DHRS4: variants seen among roughly 807,000 people sequenced by gnomAD.
The protein encoded by DHRS4 is dehydrogenase/reductase SDR family member 4.
In DHRS4, 20 loss-of-function variants were observed where a neutral mutation model predicts 28.4. The observed-to-expected ratio is 0.71, with a 90% CI of 0.50 to 1.02. DHRS4 has a LOEUF of 1.02. Ranked by LOEUF, DHRS4 falls within the 50% of genes least tolerant of loss-of-function variation. The probability of loss-of-function intolerance (pLI) is 0.00; values close to 1 mark genes in which losing one functional copy is unlikely to be tolerated. For synonymous variants in DHRS4, 144 were observed against 146.4 expected, an observed-to-expected ratio of 0.98 and a Z score of 0.12; for missense variants, 378 against 367.2, an observed-to-expected ratio of 1.03 and a Z score of -0.24.
At chr14:23,961,418 C>A (rs907197090) in intron 3 of DHRS4, among the ~76,000 whole-genome samples, 1 of 129,890 alleles carries the variant, frequency 7.7e-6, no homozygotes, top group Non-Finnish European at 1.5e-5. Flanking sequence ...AAAATAACTT[C>A]TCTTTCTTAA....
intron 2 of DHRS4, among the ~76,000 whole-genome samples, chr14:23,958,085 T>G (rs1234994067): frequency 1.3e-5 from 2 of 152,014 alleles, no homozygotes; most frequent in African/African-American, 4.8e-5. Context: ...AGTCCATTGG[T>G]GAGACTTACA....
intron 7 of DHRS4, 53 bp from the exon 8 acceptor site, chr14:23,968,704 G>T: frequency 6.3e-7 from 1 of 1,596,330 alleles, no homozygotes; most frequent in Non-Finnish European, 8.5e-7. Flanking sequence ...CCCAGGTGAG[G>T]GAGGCAGAAC....
chr14:23,961,834 T>C (rs2033428014), intron 3 of DHRS4, among the ~76,000 whole-genome samples: 1 of 145,644 alleles, frequency 6.9e-6, no homozygotes, highest in African/African-American at 2.6e-5. Flanking sequence ...GTCTTTAAAA[T>C]AGAGGAGCAT....
Position 23,964,319 on chromosome 14 carries a change from T to A in DHRS4, c.409-1443T>A, listed in dbSNP as rs1044622668. On this transcript the variant is annotated intron_variant, in intron 3 of 7. Transcript: ENST00000313250. ...CTTTTCTTTTAATTTGTATATTTTTTAAACTATCACAGTATGACAAATCCA... is the reference window on the plus strand; with the variant it reads ...CTTTTCTTTTAATTTGTATATTTTTAAAACTATCACAGTATGACAAATCCA... 4.1e-4 allele frequency among the ~76,000 whole-genome samples: 61 copies of A among 149,792 alleles called. 1 individual carries two copies. Among genetic ancestry groups the A allele is most frequent in the Non-Finnish European group, 6.7e-4 (45 of 67,572 alleles).
At chr14:23,968,478 A>T (rs2033717621) in intron 7 of DHRS4, among the ~76,000 whole-genome samples, 1 of 150,724 alleles carries the variant, frequency 6.6e-6, no homozygotes, top group Admixed American at 6.6e-5. Flanking sequence ...TTATCTATAT[A>T]ACTTTGGATT....
At chr14:23,955,262 A>G in intron 2 of DHRS4, 50 bp downstream of exon 2, 1 of 1,562,068 alleles carries the variant, frequency 6.4e-7, no homozygotes, top group Non-Finnish European at 8.7e-7. Context: ...AAACGGAGCC[A>G]GCCTGAGCCT....
rs1471628138 is a variant in DHRS4 at position 23,969,258 on chromosome 14, G to T, written c.*387G>T. On this transcript the variant is annotated 3_prime_UTR_variant, in exon 8 of 8. Transcript: ENST00000313250. Reference sequence around the variant, plus strand: ...AATGAGGTGCAAATAAAATGCAGATGATTGCGCGGCTTTGAATCCAATTGA... The same window carrying T: ...AATGAGGTGCAAATAAAATGCAGATTATTGCGCGGCTTTGAATCCAATTGA... 4.5e-6 allele frequency: 1 copy of T among 222,814 alleles called. No homozygotes were observed. Among genetic ancestry groups the T allele is most frequent in the Non-Finnish European group, 8.9e-6 (1 of 112,726 alleles). The allele number at this position is 222,814 out of a possible 1,614,324, so 13.8% of individuals were successfully genotyped here. A position where few individuals can be genotyped will look rare whatever the true frequency, so the allele number is the denominator to read the frequency against.
chr14:23,955,172 A>G lies in DHRS4; in HGVS notation c.266A>G (p.His89Arg). The G allele has an allele frequency of 6.2e-7, 1 of 1,613,806 alleles. No homozygotes were observed. The highest frequency in any genetic ancestry group is 8.5e-7 in the Non-Finnish European group (1 of 1,179,822). The stretch of plus-strand genomic sequence containing the variant: ...CTGAGCGTGACGGGCACCGTGTGCC[A>G]TGTGGGGAAGGCGGAGGACCGGGAG... ...EGLSVTGTVCHVGKAEDRERL... is the reference protein window; with the variant it reads ...EGLSVTGTVCRVGKAEDRERL... The change falls in exon 2 of 8, where the codon CAT (histidine) becomes CGT (arginine). Residue 89 changes from histidine (H) to arginine (R), a missense_variant. By Grantham distance (29) the His-to-Arg change is conservative. Transcript: ENST00000313250.
chr14:23,966,310 A>C lies in DHRS4; in HGVS notation c.559A>C (p.Thr187Pro). The C allele has an allele frequency of 6.2e-7, 1 of 1,613,962 alleles. No homozygotes were observed. Among genetic ancestry groups the C allele is most frequent in the South Asian group, 1.1e-5 (1 of 91,048 alleles). ...PGFSPYNVSK[T>P]ALLGLTKTLA... ...CTTCAGTCCTTACAATGTCAGTAAA[A>C]CAGCCTTGCTGGGCCTGACCAAGAC... Residue 187 changes from threonine (T) to proline (P), a missense_variant, in exon 6 of 8, where the codon ACA becomes CCA. By Grantham distance (38) the Thr-to-Pro change is conservative. Transcript: ENST00000313250.
intron 7 of DHRS4, among the ~76,000 whole-genome samples, chr14:23,968,519 T>A (rs1208013015): frequency 6.6e-6 from 1 of 150,994 alleles, no homozygotes; most frequent in Non-Finnish European, 1.5e-5. Flanking sequence ...AAAACCGGTG[T>A]GTTTCTATAG....
chr14:23,968,317 C>A (rs1231061579), intron 7 of DHRS4, among the ~76,000 whole-genome samples: 3 of 150,568 alleles, frequency 2.0e-5, no homozygotes, highest in African/African-American at 7.4e-5. Flanking sequence ...CTTTAAGGCA[C>A]AAGTATAGAT....
At chr14:23,954,365 A>G (rs1205485988) in intron 1 of DHRS4, among the ~76,000 whole-genome samples, 3 of 152,208 alleles carry the variant, frequency 2.0e-5, no homozygotes. Context: ...ATGGGACACC[A>G]GAGCCATATG....
intron 3 of DHRS4, among the ~76,000 whole-genome samples, chr14:23,961,206 T>A (rs1407881242): frequency 6.6e-6 from 1 of 150,598 alleles, no homozygotes; most frequent in Non-Finnish European, 1.5e-5. Flanking sequence ...AGTATCAGGT[T>A]GCCAAAATAC....
rs1197658916 is a variant in DHRS4, at chr14:23,964,238, AAAAAAAAAAAAAAAAAC to A, written c.409-1522_409-1506del. Reference sequence around the variant, plus strand: ...CAATTTGTAAAAAAAAAAAAAAAAAAAAAAAAAAAAAAAAAACACAATATCTGCAAAGCATAAGAAAA... The same window carrying A: ...CAATTTGTAAAAAAAAAAAAAAAAAAACAATATCTGCAAAGCATAAGAAAA... On this transcript the variant is annotated intron_variant, in intron 3 of 7. Transcript: ENST00000313250. 7.7e-5 allele frequency among the ~76,000 whole-genome samples: 11 copies of A among 142,960 alleles called. 1 individual carries two copies. Among genetic ancestry groups the A allele is most frequent in the African/African-American group, 3.0e-4 (11 of 37,094 alleles). The allele number at this position is 142,960 out of a possible 152,430, so 93.8% of individuals were successfully genotyped here.
intron 6 of DHRS4, 30 bp downstream of exon 6, chr14:23,966,447 G>T (rs1403838433): frequency 1.2e-6 from 2 of 1,612,274 alleles, no homozygotes; most frequent in Non-Finnish European, 1.7e-6. Context: ...CATTTGACTG[G>T]GACCCCTTGA....
At chr14:23,956,649 G>A (rs1348989239) in intron 2 of DHRS4, among the ~76,000 whole-genome samples, 3 of 144,472 alleles carry the variant, frequency 2.1e-5, no homozygotes, top group African/African-American at 7.8e-5. Flanking sequence ...TTGTTGCCCA[G>A]GCTGAAGTGA....
intron 6 of DHRS4, among the ~76,000 whole-genome samples, chr14:23,966,884 G>T (rs1360204024): frequency 6.6e-6 from 1 of 152,274 alleles, no homozygotes; most frequent in African/African-American, 2.4e-5. Context: ...TTCTGGGTGG[G>T]GTGGCTCATG....
chr14:23,957,625 T>A (rs953043538), intron 2 of DHRS4, among the ~76,000 whole-genome samples: 20 of 150,474 alleles, frequency 1.3e-4, no homozygotes, highest in African/African-American at 4.9e-4. Context: ...GACATGATCA[T>A]AGCTCACTGT....
intron 2 of DHRS4, among the ~76,000 whole-genome samples, 185 bp from the exon 3 acceptor site, chr14:23,959,717 C>T (rs2033328770): frequency 6.6e-6 from 1 of 151,778 alleles, no homozygotes; most frequent in South Asian, 2.1e-4. Flanking sequence ...TAAGGTCTCG[C>T]TGCATGGCCC....
Sources: gnomAD v4.1 joint callset for allele counts (sites outside exome capture counted in the v4.1 genomes callset) on GRCh38, gnomAD v4.1.1 for gene constraint, MANE v1.5 for transcripts, NCBI Gene and HGNC (gene_info 2026-07-23, HGNC 2026-07-21) for gene names.